ANKRD18A: variants seen among roughly 807,000 people sequenced by gnomAD.
ANKRD18A encodes ankyrin repeat domain 18A.
Under a neutral mutation model 110.6 loss-of-function variants are expected in ANKRD18A, and 72 were observed. That is an observed-to-expected ratio of 0.65 (90% CI 0.54 to 0.79). ANKRD18A has a LOEUF of 0.79. ANKRD18A is among the 30% of genes least tolerant of loss of function. The probability of loss-of-function intolerance (pLI) is 0.00; values close to 1 mark genes in which losing one functional copy is unlikely to be tolerated. For synonymous variants in ANKRD18A, 305 were observed against 410.3 expected (o/e 0.74, Z 3.10); for missense variants, 934 against 1,163.3 (o/e 0.80, Z 2.87).
In ANKRD18A at chr9:38,596,165, T is replaced by C; in HGVS notation, c.1175A>G (p.Asn392Ser). Residue 392 changes from asparagine (N) to serine (S), a missense_variant, in exon 9 of 16, where the codon AAT (asparagine) becomes AGT (serine). Physicochemically the swap from Asn to Ser is conservative, Grantham distance 46. Around this residue, in one of 4 missense-constraint regions of ANKRD18A, gnomAD observed 630 missense variants for 797.5 expected, o/e 0.79. Transcript: ENST00000399703. Reference protein sequence around the residue: ...KTVARYSQQLNDLKAENARLN... With the variant: ...KTVARYSQQLSDLKAENARLN... Reference sequence around the variant, plus strand: ...CCTTGCATTCTCAGCTTTCAGATCATTAAGCTGTTGCGAATACCGGGCCAC... The same window carrying C: ...CCTTGCATTCTCAGCTTTCAGATCACTAAGCTGTTGCGAATACCGGGCCAC... 2 of 1,547,374 alleles carry C rather than the reference T, an allele frequency of 1.3e-6. No homozygotes were observed. The highest frequency in any genetic ancestry group is 2.4e-5 in the South Asian group (2 of 82,786).
chr9:38,604,672 C>T (rs548999201), intron 6 of ANKRD18A, among the ~76,000 whole-genome samples: 61 of 151,562 alleles, frequency 4.0e-4, no homozygotes, highest in Non-Finnish European at 7.6e-4. Flanking sequence ...TTTTATTGAA[C>T]TTGTATCTAG....
At chr9:38,569,271 G>A, downstream of ANKRD18A, 3 of 959,456 alleles carry the variant, frequency 3.1e-6, no homozygotes, top group South Asian at 9.6e-5. Flanking sequence ...TGAGATGACT[G>A]TCAGCACAGA....
intron 3 of ANKRD18A, among the ~76,000 whole-genome samples, chr9:38,611,820 C>T (rs1333263219): frequency 6.6e-6 from 1 of 152,194 alleles, no homozygotes; most frequent in Non-Finnish European, 1.5e-5. Context: ...CAAAAAGATT[C>T]CATGATCATC....
At chr9:38,606,377 T>C (rs1159645088) in intron 6 of ANKRD18A, among the ~76,000 whole-genome samples, 1 of 152,186 alleles carries the variant, frequency 6.6e-6, no homozygotes, top group Non-Finnish European at 1.5e-5. Flanking sequence ...AACCAACCAT[T>C]TTCTTCCTCC....
intron 5 of ANKRD18A, among the ~76,000 whole-genome samples, chr9:38,608,595 C>G (rs959229125): frequency 1.4e-5 from 2 of 140,204 alleles, no homozygotes; most frequent in Admixed American, 1.4e-4. Flanking sequence ...TAATCTATAA[C>G]TATATAGCTA....
intron 8 of ANKRD18A, 82 bp from the exon 9 acceptor site, chr9:38,596,485 A>G: frequency 1.7e-6 from 2 of 1,207,984 alleles, no homozygotes; most frequent in Non-Finnish European, 2.2e-6. Context: ...AGAGCAATCT[A>G]TACATTCATG....
intron 6 of ANKRD18A, among the ~76,000 whole-genome samples, chr9:38,603,989 T>C (rs1329238084): frequency 6.6e-6 from 1 of 152,204 alleles, no homozygotes; most frequent in African/African-American, 2.4e-5. Context: ...GCATGTGGTG[T>C]GACCCAGCTA....
In ANKRD18A at chr9:38,577,083, G is replaced by A. The variant is rs887375801; in HGVS notation, c.2711C>T (p.Ala904Val). 6.5e-7 allele frequency: 1 copy of A among 1,548,336 alleles called. No homozygotes were observed. Among genetic ancestry groups the A allele is most frequent in the African/African-American group, 1.4e-5 (1 of 72,958 alleles). ...FKEAFAGAVK[A>V]NNSMSKKLMK... is the part of the protein sequence containing the mutation. ...TAATTTTTTTGACATGGAATTGTTA[G>A]CTTTCACTGCTCCTGCAAAGGCTTC... The change falls in exon 14 of 16, where the codon GCT (alanine) becomes GTT (valine). Residue 904 changes from alanine to valine, a missense_variant. Transcript: ENST00000399703.
At position 38,575,626 on chromosome 9, in the gene ANKRD18A, G is replaced by A. The variant is rs764059190; in HGVS notation, c.2814C>T (p.Ser938=). Residue 938 remains serine, a synonymous_variant, in exon 15 of 16, where the codon AGC becomes AGT. Transcript: ENST00000399703. The part of the protein sequence containing the change: ...TEKQRMKYFL[S]TLPTRPEPEL... Reference sequence around the variant, plus strand: ...CTGGTTCTGGCCTTGTAGGAAGAGTGCTGAGAAAATATTTCATCCGCTGTT... The same window carrying A: ...CTGGTTCTGGCCTTGTAGGAAGAGTACTGAGAAAATATTTCATCCGCTGTT... 4.5e-5 allele frequency: 70 copies of A among 1,551,580 alleles called. No individual in the cohort carries two copies. The highest frequency in any genetic ancestry group is 1.7e-4 in the East Asian group (7 of 40,914).
downstream of ANKRD18A, chr9:38,567,194 A>T (rs1216895998): frequency 6.6e-6 from 1 of 152,220 alleles, no homozygotes; most frequent in Non-Finnish European, 1.5e-5. Context: ...GGTTTAGGTC[A>T]TGTTTGCTAC....
At chr9:38,612,516 T>TTTCTC (rs1195117231) in intron 3 of ANKRD18A, among the ~76,000 whole-genome samples, 1 of 116,594 alleles carries the variant, frequency 8.6e-6, no homozygotes, top group African/African-American at 4.9e-5. Context: ...CATTTTTTTC[T>TTTCTC]TTTTCTTTTT....
At chr9:38,569,154 T>G (rs1823548866), downstream of ANKRD18A, 4 of 985,314 alleles carry the variant, frequency 4.1e-6, no homozygotes, top group Non-Finnish European at 4.8e-6. Flanking sequence ...TGCATCTTGG[T>G]TATCACGGAG....
Position 38,620,266 on chromosome 9 carries a change from A to C in ANKRD18A, c.20T>G (p.Phe7Cys). MRKLFSFGRRLGQALLS... is the reference protein window; with the variant it reads MRKLFSCGRRLGQALLS... ...GAGCGCCTGGCCCAGGCGTCTCCCG[A>C]AGCTGAAGAGCTTCCTCATGGTGGC... is the stretch of plus-strand genomic sequence containing the variant. The change falls in exon 1 of 16, where the codon TTC becomes TGC. Residue 7 changes from phenylalanine to cysteine, a missense_variant. By Grantham distance (205) the Phe-to-Cys change is radical (BLOSUM62 -2). Coordinates refer to ENST00000399703, the MANE Select transcript of ANKRD18A (RefSeq NM_147195.4). The C allele has an allele frequency of 6.4e-7, 1 of 1,550,992 alleles. No individual in the cohort carries two copies. Among genetic ancestry groups the C allele is most frequent in the Non-Finnish European group, 8.7e-7 (1 of 1,146,702 alleles).
At chr9:38,599,025 T>A (rs1398409121) in intron 8 of ANKRD18A, among the ~76,000 whole-genome samples, 1 of 152,226 alleles carries the variant, frequency 6.6e-6, no homozygotes, top group Non-Finnish European at 1.5e-5. Context: ...TGGTCTTTTT[T>A]CATTTCAGCC....
chr9:38,601,659 T>A (rs1390039076), intron 7 of ANKRD18A, among the ~76,000 whole-genome samples: 1 of 152,180 alleles, frequency 6.6e-6, no homozygotes, highest in Non-Finnish European at 1.5e-5. Flanking sequence ...TGAAATATTT[T>A]CCTCTACAAT....
Position 38,595,981 on chromosome 9 carries a change from A to G in ANKRD18A, c.1359T>C (p.Ser453=), listed in dbSNP as rs1348838204. 3 of 1,550,230 alleles carry G rather than the reference A, an allele frequency of 1.9e-6. No individual in the cohort carries two copies. In the South Asian group the frequency reaches 3.6e-5, roughly 19 times the overall value. Residue 453 remains serine (S), a synonymous_variant, in exon 9 of 16, where the codon TCT becomes TCC. Coordinates refer to ENST00000399703, the MANE Select transcript of ANKRD18A (RefSeq NM_147195.4). The part of the protein sequence containing the change: ...ELVLWRADDV[S]RHEKMGSNIS... Reference sequence around the variant, plus strand: ...TATTAGAACCCATTTTTTCATGTCTAGAAACATCATCTGCTCTCCATAAAA... The same window carrying G: ...TATTAGAACCCATTTTTTCATGTCTGGAAACATCATCTGCTCTCCATAAAA...
intron 10 of ANKRD18A, among the ~76,000 whole-genome samples, chr9:38,590,826 C>T (rs953961985): frequency 6.0e-4 from 91 of 152,152 alleles, no homozygotes; most frequent in African/African-American, 2.1e-3. Context: ...GAAATAAGAA[C>T]CTTCTGGAGA....
chr9:38,588,478 G>C (rs1057367228), intron 11 of ANKRD18A, 73 bp downstream of exon 11: 1 of 982,220 alleles, frequency 1.0e-6, no homozygotes, highest in Non-Finnish European at 1.4e-6. Context: ...TTGTATCAAA[G>C]TTTTAGTCAA....
intron 12 of ANKRD18A, among the ~76,000 whole-genome samples, chr9:38,584,578 A>G (rs1824294726): frequency 6.6e-6 from 1 of 152,122 alleles, no homozygotes; most frequent in Non-Finnish European, 1.5e-5. Flanking sequence ...AACCTGTTAC[A>G]CCCCAAAATT....
Sources: gnomAD v4.1 joint callset for allele counts (sites outside exome capture counted in the v4.1 genomes callset) on GRCh38, gnomAD v4.1.1 for gene constraint, gnomAD v4.1.1 regional missense constraint, MANE v1.5 for transcripts, NCBI Gene and HGNC (gene_info 2026-07-23, HGNC 2026-07-21) for gene names.